MBNL2: variants seen among roughly 807,000 people sequenced by gnomAD.
MBNL2 encodes the protein muscleblind-like protein 2.
MBNL2 carries 17 observed loss-of-function variants against 41.9 expected under a neutral mutation model. That is an observed-to-expected ratio of 0.41 (90% CI 0.28 to 0.61). The LOEUF (loss-of-function observed/expected upper bound fraction) is 0.61. Ranked by LOEUF, MBNL2 falls within the 20% of genes least tolerant of loss-of-function variation. The pLI is 0.35. For missense variants in MBNL2, 336 were observed against 505.6 expected, an observed-to-expected ratio of 0.66 and a Z score of 3.22; for synonymous variants, 195 against 182.9, an observed-to-expected ratio of 1.07 and a Z score of -0.53.
chr13:97,361,877 C>G (rs1006054962), intron 7 of MBNL2, among the ~76,000 whole-genome samples: 1 of 142,242 alleles, frequency 7.0e-6, no homozygotes, highest in Non-Finnish European at 1.5e-5. Context: ...TCAAGAGGTT[C>G]TCTTGCCTCA....
intron 7 of MBNL2, 163 bp downstream of exon 7, chr13:97,357,798 G>A: frequency 1.3e-6 from 1 of 744,616 alleles, no homozygotes; most frequent in Non-Finnish European, 2.4e-6. Context: ...TACTTTGAAT[G>A]ATAGCTAAAG....
At chr13:97,333,943 AAAAGAAAG>A (rs141167556) in intron 2 of MBNL2, among the ~76,000 whole-genome samples, 1 of 143,026 alleles carries the variant, frequency 7.0e-6, no homozygotes, top group African/African-American at 2.7e-5. Context: ...AGAAAGAAAG[AAAAGAAAG>A]AAAGAAGGAA....
intron 2 of MBNL2, among the ~76,000 whole-genome samples, chr13:97,306,014 G>C (rs1270650325): frequency 6.6e-6 from 1 of 152,192 alleles, no homozygotes; most frequent in Non-Finnish European, 1.5e-5. Flanking sequence ...GAGGTGTCCT[G>C]GCATTTTTTG....
At chr13:97,385,159 A>G (rs779138785) in intron 8 of MBNL2, among the ~76,000 whole-genome samples, 2 of 152,120 alleles carry the variant, frequency 1.3e-5, no homozygotes, top group Non-Finnish European at 2.9e-5. Flanking sequence ...TTAGCCATCC[A>G]TGCAAGCAAC....
chr13:97,298,526 A>G (rs1566401934), intron 2 of MBNL2, among the ~76,000 whole-genome samples: 1 of 152,210 alleles, frequency 6.6e-6, no homozygotes, highest in Admixed American at 6.5e-5. Flanking sequence ...CTTTTGCAAA[A>G]TCACACAATA....
chr13:97,235,040 C>T lies in MBNL2; in HGVS notation c.-605+12509C>T, dbSNP rs932906355. Among the ~76,000 whole-genome samples, 3 of 152,280 alleles carry T rather than the reference C, an allele frequency of 2.0e-5. No individual in the cohort carries two copies. The South Asian group carries it at 6.2e-4, about 32-fold the overall frequency. On this transcript the variant is annotated intron_variant, in intron 1 of 8. Coordinates refer to ENST00000679496, the MANE Select transcript of MBNL2 (RefSeq NM_001382683.1). ...TCTCCCTCAGTTCCGCCCAGGCCTT[C>T]TTAGGGACACGCAGAGCAAACAAAG...
the MBNL2 span, among the ~76,000 whole-genome samples, chr13:97,196,755 T>C: frequency 6.6e-6 from 1 of 152,180 alleles, no homozygotes; most frequent in Non-Finnish European, 1.5e-5. Context: ...AGACAAAGAA[T>C]AACCAGAACA....
chr13:97,181,127 G>A, the MBNL2 span, among the ~76,000 whole-genome samples: 1 of 148,794 alleles, frequency 6.7e-6, no homozygotes, highest in East Asian at 2.0e-4. Flanking sequence ...TGCTTCCATT[G>A]TCACATCCCC....
chr13:97,369,195 C>G (rs964450772), intron 8 of MBNL2, among the ~76,000 whole-genome samples: 1 of 152,174 alleles, frequency 6.6e-6, no homozygotes, highest in Non-Finnish European at 1.5e-5. Flanking sequence ...AAACCCAGGG[C>G]TTGGTAATGA....
chr13:97,241,057 C>T (rs902854442), intron 1 of MBNL2, among the ~76,000 whole-genome samples: 1 of 152,124 alleles, frequency 6.6e-6, no homozygotes, highest in Admixed American at 6.5e-5. Context: ...TTATATCTGC[C>T]GTTCCATTCT....
chr13:97,210,659 C>T, the MBNL2 span, among the ~76,000 whole-genome samples: 3 of 118,522 alleles, frequency 2.5e-5, no homozygotes, highest in African/African-American at 3.3e-5. Context: ...GTGGTGCAAT[C>T]GTGGCTTACT....
chr13:97,347,161 C>A, intron 5 of MBNL2, 94 bp downstream of exon 5: 1 of 948,172 alleles, frequency 1.1e-6, no homozygotes, highest in Non-Finnish European at 1.5e-6. Context: ...ACTCGGGAAA[C>A]ATGGAAGGCT....
At position 97,348,055 on chromosome 13, in the gene MBNL2, G is replaced by A. The variant is rs951814273; in HGVS notation, c.804+988G>A. ...CTTATTTTCTTATTTAGTTGGTCTG[G>A]TGTGGTCTGGGCAGTGGGATTTTTT... On this transcript the variant is annotated intron_variant, in intron 5 of 8. Transcript: ENST00000679496. 3.3e-5 allele frequency among the ~76,000 whole-genome samples: 5 copies of A among 149,544 alleles called. No homozygotes were observed. In the East Asian group the frequency reaches 9.8e-4, roughly 29 times the overall value.
chr13:97,242,100 G>A (rs928963164), intron 1 of MBNL2, among the ~76,000 whole-genome samples: 2 of 152,074 alleles, frequency 1.3e-5, no homozygotes, highest in Admixed American at 1.3e-4. Context: ...CCTCAACCCT[G>A]GGCTAGCTGC....
At chr13:97,259,044 A>C (rs1315513120) in intron 1 of MBNL2, among the ~76,000 whole-genome samples, 1 of 152,224 alleles carries the variant, frequency 6.6e-6, no homozygotes, top group Admixed American at 6.5e-5. Context: ...ACCAGAGCCA[A>C]GGAATGGGGC....
chr13:97,305,149 C>T (rs1405530738), intron 2 of MBNL2, among the ~76,000 whole-genome samples: 4 of 152,314 alleles, frequency 2.6e-5, no homozygotes, highest in Non-Finnish European at 5.9e-5. Context: ...TTCCAGTTAG[C>T]ATCTTGACTT....
intron 2 of MBNL2, among the ~76,000 whole-genome samples, chr13:97,316,103 T>C (rs1412118419): frequency 6.6e-6 from 1 of 152,236 alleles, no homozygotes; most frequent in Non-Finnish European, 1.5e-5. Flanking sequence ...CCACTCCTGC[T>C]ATTTCCCCCA....
At chr13:97,355,853 G>T (rs7992346) in intron 5 of MBNL2, among the ~76,000 whole-genome samples, 16,856 of 152,152 alleles carry the variant, frequency 0.11, 981 homozygotes, top group East Asian at 0.17. Flanking sequence ...TAATGGGGTT[G>T]CTCACTGATT....
chr13:97,268,871 C>T lies in MBNL2; in HGVS notation c.-604-6761C>T, dbSNP rs931174178. ...CTTGTGAATTAAGGAATAATGATACCTATTTAAAAATAATGACCAGGCAGT... is the reference window on the plus strand; with the variant it reads ...CTTGTGAATTAAGGAATAATGATACTTATTTAAAAATAATGACCAGGCAGT... On this transcript the variant is annotated intron_variant, in intron 1 of 8. Transcript: ENST00000679496. This position sits in a 1 kb window ranked among gnomAD's most constrained non-coding sequence, Gnocchi z 4.6. Among the ~76,000 whole-genome samples, 2 of 152,138 alleles carry T rather than the reference C, an allele frequency of 1.3e-5. No homozygotes were observed. Among genetic ancestry groups the T allele is most frequent in the Non-Finnish European group, 2.9e-5 (2 of 68,036 alleles).
Sources: allele counts gnomAD v4.1 joint callset (sites outside exome capture counted in the v4.1 genomes callset), GRCh38; gene constraint gnomAD v4.1.1; non-coding constraint Gnocchi (gnomAD v3.1); transcripts MANE v1.5; gene names NCBI Gene and HGNC (gene_info 2026-07-23, HGNC 2026-07-21).